TMEM132C: variants seen among roughly 807,000 people sequenced by gnomAD.
TMEM132C encodes the protein transmembrane protein 132C, also known as protein phosphatase 1, regulatory subunit 152.
TMEM132C carries 29 observed loss-of-function variants against 61.4 expected under a neutral mutation model. The ratio of observed to expected loss-of-function variants is 0.47; its 90% CI spans 0.35 to 0.64. The LOEUF is 0.64. Among genes scored for constraint, TMEM132C ranks in the 30% least tolerant of loss-of-function variants. The pLI is 0.00. For missense variants in TMEM132C, 1,408 were observed against 1,476.9 expected (o/e 0.95, Z 0.76); for synonymous variants, 656 against 633.1 (o/e 1.04, Z -0.54).
intron 2 of TMEM132C, among the ~76,000 whole-genome samples, chr12:128,537,399 G>A (rs1237755739): frequency 6.6e-6 from 1 of 152,164 alleles, no homozygotes; most frequent in Non-Finnish European, 1.5e-5. Context: ...GGGATAAGGA[G>A]GTGTATCCAG....
chr12:128,638,136 G>A (rs1015145510), intron 4 of TMEM132C, among the ~76,000 whole-genome samples: 17 of 152,216 alleles, frequency 1.1e-4, no homozygotes, highest in African/African-American at 4.1e-4. Context: ...TCTTAGCTCT[G>A]TGAGTGACTG....
At chr12:128,308,813 T>A (rs976950148) in intron 1 of TMEM132C, among the ~76,000 whole-genome samples, 2 of 152,214 alleles carry the variant, frequency 1.3e-5, no homozygotes, top group Non-Finnish European at 2.9e-5. Flanking sequence ...GTGAGAAATC[T>A]TCTGGTCCCA....
At chr12:128,297,129 G>A (rs948523174) in intron 1 of TMEM132C, among the ~76,000 whole-genome samples, 5 of 152,136 alleles carry the variant, frequency 3.3e-5, no homozygotes, top group Non-Finnish European at 5.9e-5. Flanking sequence ...AAGCAGCAAG[G>A]GTCTGTTTTT....
chr12:128,386,066 AG>A (rs1874571054), intron 1 of TMEM132C, among the ~76,000 whole-genome samples: 2 of 152,110 alleles, frequency 1.3e-5, no homozygotes, highest in South Asian at 4.2e-4. Context: ...CCTCACACTT[AG>A]ACCTAGAAGA....
At chr12:128,657,157 T>C (rs962226114) in intron 4 of TMEM132C, among the ~76,000 whole-genome samples, 3 of 152,184 alleles carry the variant, frequency 2.0e-5, no homozygotes, top group African/African-American at 7.2e-5. Flanking sequence ...TCCGTGATTT[T>C]GGCCAAACAT....
chr12:128,282,488 A>G (rs892238623), intron 1 of TMEM132C, among the ~76,000 whole-genome samples: 1 of 152,208 alleles, frequency 6.6e-6, no homozygotes, highest in African/African-American at 2.4e-5. Context: ...AAACCGTCAG[A>G]TCTTGTGAGA....
chr12:128,415,148 C>T lies in TMEM132C; in HGVS notation c.502C>T (p.Pro168Ser). 1 of 1,610,860 alleles carries T rather than the reference C, an allele frequency of 6.2e-7. No homozygotes were observed. Among genetic ancestry groups the T allele is most frequent in the Non-Finnish European group, 8.5e-7 (1 of 1,178,536 alleles). ...WDDHGAGEKL[P>S]CLRVFAFRET... ...TGACCACGGCGCCGGGGAGAAGCTGCCATGCCTGAGGGTCTTTGCTTTCCG... is the reference window on the plus strand; with the variant it reads ...TGACCACGGCGCCGGGGAGAAGCTGTCATGCCTGAGGGTCTTTGCTTTCCG... Residue 168 changes from proline (P) to serine (S), a missense_variant, in exon 2 of 9, where the codon CCA becomes TCA. Pro to Ser is a moderately conservative substitution (Grantham distance 74). Coordinates refer to ENST00000435159, the MANE Select transcript of TMEM132C (RefSeq NM_001136103.3). This position sits in a 1 kb window ranked among gnomAD's most constrained non-coding sequence, Gnocchi z 5.8.
In TMEM132C at chr12:128,304,700, A is replaced by G. The variant is rs569673445; in HGVS notation, c.85+37213A>G. Among the ~76,000 whole-genome samples, 16 of 152,344 alleles carry G rather than the reference A, an allele frequency of 1.1e-4. No homozygotes were observed. The East Asian group carries it at 3.1e-3, about 29-fold the overall frequency. Reference sequence around the variant, plus strand: ...ATCTATTTGGGGAGACGGCATCCACATATGTGAAAAAATCTGGGAAGATGT... The same window carrying G: ...ATCTATTTGGGGAGACGGCATCCACGTATGTGAAAAAATCTGGGAAGATGT... On this transcript the variant is annotated intron_variant, in intron 1 of 8. Transcript: ENST00000435159.
chr12:128,443,465 T>G (rs1191479082), intron 2 of TMEM132C, among the ~76,000 whole-genome samples: 1 of 152,218 alleles, frequency 6.6e-6, no homozygotes, highest in Non-Finnish European at 1.5e-5. Context: ...TAAACATTTT[T>G]AAAGTTTTTA....
chr12:128,385,095 T>G (rs1236445238), intron 1 of TMEM132C, among the ~76,000 whole-genome samples: 1 of 152,214 alleles, frequency 6.6e-6, no homozygotes. Context: ...AGAGCTCGGC[T>G]TTGGAATTTA....
chr12:128,346,529 A>C (rs144813526), intron 1 of TMEM132C, among the ~76,000 whole-genome samples: 22 of 152,294 alleles, frequency 1.4e-4, no homozygotes, highest in Admixed American at 4.6e-4. Context: ...AGTTCTTTCT[A>C]TCCATGAGCA....
intron 2 of TMEM132C, among the ~76,000 whole-genome samples, chr12:128,534,264 C>A (rs535717621): frequency 1.3e-5 from 2 of 152,192 alleles, no homozygotes; most frequent in African/African-American, 4.8e-5. Flanking sequence ...CAGTGATCAA[C>A]GTGCCTTGTA....
intron 5 of TMEM132C, among the ~76,000 whole-genome samples, chr12:128,685,684 G>A (rs1954667832): frequency 6.6e-6 from 1 of 152,184 alleles, no homozygotes; most frequent in Non-Finnish European, 1.5e-5. Context: ...CCATGATGGA[G>A]GAGAAGGCGG....
chr12:128,681,796 G>A (rs1179971517), intron 5 of TMEM132C, among the ~76,000 whole-genome samples: 1 of 150,184 alleles, frequency 6.7e-6, no homozygotes, highest in East Asian at 1.9e-4. Flanking sequence ...TGGGACTACA[G>A]GTGAGCGCTA....
At chr12:128,397,529 A>G (rs1875004922) in intron 1 of TMEM132C, among the ~76,000 whole-genome samples, 1 of 152,188 alleles carries the variant, frequency 6.6e-6, no homozygotes, top group Admixed American at 6.5e-5. Context: ...ACCATAAAGC[A>G]GAGCAAAAGT....
chr12:128,269,532 G>A (rs1028881394), intron 1 of TMEM132C, among the ~76,000 whole-genome samples: 1 of 152,104 alleles, frequency 6.6e-6, no homozygotes, highest in Non-Finnish European at 1.5e-5. Context: ...TAGGGACGTA[G>A]CGAAGCCCCA....
At chr12:128,479,129 C>T (rs548399099) in intron 2 of TMEM132C, among the ~76,000 whole-genome samples, 121 of 152,292 alleles carry the variant, frequency 7.9e-4, no homozygotes, top group African/African-American at 2.7e-3. Context: ...AAACCAAATA[C>T]TGCATGTTCT....
intron 1 of TMEM132C, among the ~76,000 whole-genome samples, chr12:128,385,345 G>C (rs10847603): frequency 0.34 from 5,241 of 15,606 alleles, 362 homozygotes; most frequent in African/African-American, 0.38. Flanking sequence ...AGACATAAAC[G>C]CCGAGTCCTC....
intron 1 of TMEM132C, among the ~76,000 whole-genome samples, chr12:128,400,827 C>G (rs999505874): frequency 6.6e-6 from 1 of 151,920 alleles, no homozygotes; most frequent in Admixed American, 6.5e-5. Flanking sequence ...CCAGGCTGGT[C>G]TCAAACTCCT....
Sources: allele counts gnomAD v4.1 joint callset (sites outside exome capture counted in the v4.1 genomes callset), GRCh38; gene constraint gnomAD v4.1.1; non-coding constraint Gnocchi (gnomAD v3.1); transcripts MANE v1.5; gene names NCBI Gene and HGNC (gene_info 2026-07-23, HGNC 2026-07-21).